Variants in GPC5 observed in about 807,000 individuals in gnomAD.
GPC5 encodes the protein glypican 5, also known as glypican-5.
GPC5 carries 47 observed loss-of-function variants against 53.9 expected under a neutral mutation model. The observed-to-expected ratio is 0.87, with a 90% CI of 0.69 to 1.11. The LOEUF (loss-of-function observed/expected upper bound fraction) is 1.11. Ranked by LOEUF, GPC5 falls within the 50% of genes most tolerant of loss-of-function variation. The pLI is 0.00. For missense variants in GPC5, 748 were observed against 713.1 expected (o/e 1.05, Z -0.56); for synonymous variants, 286 against 263.3 (o/e 1.09, Z -0.84).
intron 6 of GPC5, among the ~76,000 whole-genome samples, chr13:92,072,090 TATA>T (rs2041216450): frequency 6.8e-6 from 1 of 146,418 alleles, no homozygotes; most frequent in Non-Finnish European, 1.5e-5. Context: ...TATAATTATA[TATA>T]ATAAATTCAT....
chr13:92,759,788 G>C (rs1485640597), intron 7 of GPC5, among the ~76,000 whole-genome samples: 4 of 151,924 alleles, frequency 2.6e-5, no homozygotes, highest in Non-Finnish European at 4.4e-5. Context: ...CTCATGCATT[G>C]TACCAGATCT....
At chr13:92,438,570 A>G (rs1434608221) in intron 7 of GPC5, among the ~76,000 whole-genome samples, 1 of 151,970 alleles carries the variant, frequency 6.6e-6, no homozygotes, top group Non-Finnish European at 1.5e-5. Flanking sequence ...GATTAAGTGT[A>G]TGTTTTAAAA....
intron 5 of GPC5, among the ~76,000 whole-genome samples, chr13:91,762,938 A>T (rs2037445499): frequency 6.6e-6 from 1 of 151,538 alleles, no homozygotes; most frequent in Admixed American, 6.6e-5. Flanking sequence ...CCTATAATAC[A>T]TTTTTTTTGC....
At chr13:92,124,175 TAATAA>T (rs2041674372) in intron 6 of GPC5, among the ~76,000 whole-genome samples, 1 of 140,584 alleles carries the variant, frequency 7.1e-6, no homozygotes, top group Non-Finnish European at 1.5e-5. Flanking sequence ...CATATTCATG[TAATAA>T]AATCTTAGCA....
intron 6 of GPC5, among the ~76,000 whole-genome samples, chr13:91,960,921 T>C (rs1293887380): frequency 6.6e-6 from 1 of 151,748 alleles, no homozygotes; most frequent in African/African-American, 2.4e-5. Context: ...GATAAAGACC[T>C]GACACTATAA....
intron 2 of GPC5, among the ~76,000 whole-genome samples, chr13:91,669,764 A>C (rs1431319621): frequency 6.6e-6 from 1 of 152,122 alleles, no homozygotes; most frequent in Non-Finnish European, 1.5e-5. Context: ...CACAACTAAA[A>C]TTTCCCTTTA....
intron 5 of GPC5, among the ~76,000 whole-genome samples, chr13:91,833,140 C>A (rs2038682683): frequency 6.6e-6 from 1 of 152,126 alleles, no homozygotes; most frequent in African/African-American, 2.4e-5. Context: ...ACTAGAAAAT[C>A]TAGAAGAAAT....
At chr13:92,503,975 G>GT (rs1880278762) in intron 7 of GPC5, among the ~76,000 whole-genome samples, 1 of 151,792 alleles carries the variant, frequency 6.6e-6, no homozygotes, top group Non-Finnish European at 1.5e-5. Context: ...TTTGAAGATT[G>GT]TTTCTAATAA....
intron 7 of GPC5, among the ~76,000 whole-genome samples, chr13:92,347,752 T>C (rs1594119223): frequency 7.1e-6 from 1 of 140,378 alleles, no homozygotes; most frequent in East Asian, 2.1e-4. Context: ...TACAAAGTGA[T>C]GTAAATTCTG....
At chr13:92,238,755 G>A (rs140746696) in intron 7 of GPC5, among the ~76,000 whole-genome samples, 2 of 145,564 alleles carry the variant, frequency 1.4e-5, no homozygotes, top group African/African-American at 5.2e-5. Flanking sequence ...AAACACAAAA[G>A]TTTTTAATTT....
chr13:92,249,168 TACAA>T (rs2042674716), intron 7 of GPC5, among the ~76,000 whole-genome samples: 1 of 152,116 alleles, frequency 6.6e-6, no homozygotes, highest in African/African-American at 2.4e-5. Flanking sequence ...TTTTTTGTAT[TACAA>T]ACAGTCTAAG....
chr13:92,596,547 C>T (rs558236077), intron 7 of GPC5, among the ~76,000 whole-genome samples: 1 of 152,004 alleles, frequency 6.6e-6, no homozygotes, highest in South Asian at 2.1e-4. Context: ...AATGTTGGCT[C>T]ACTGCAACCT....
At chr13:92,466,765 G>GT (rs1878707499) in intron 7 of GPC5, among the ~76,000 whole-genome samples, 1 of 152,082 alleles carries the variant, frequency 6.6e-6, no homozygotes, top group African/African-American at 2.4e-5. Context: ...TAGGATGGTG[G>GT]TACCTGGAAA....
intron 5 of GPC5, among the ~76,000 whole-genome samples, chr13:91,774,210 G>A (rs2037671989): frequency 6.6e-6 from 1 of 152,182 alleles, no homozygotes; most frequent in African/African-American, 2.4e-5. Context: ...CTAAAAAAAT[G>A]TGAATATCAA....
chr13:92,489,247 T>C (rs1325859297), intron 7 of GPC5, among the ~76,000 whole-genome samples: 4 of 152,172 alleles, frequency 2.6e-5, no homozygotes, highest in African/African-American at 9.6e-5. Flanking sequence ...CCTATGTCCA[T>C]TCACTTATCT....
intron 2 of GPC5, among the ~76,000 whole-genome samples, chr13:91,542,816 TG>T (rs2030028448): frequency 6.6e-6 from 1 of 150,934 alleles, no homozygotes; most frequent in Non-Finnish European, 1.5e-5. Flanking sequence ...CCTGAGTAAC[TG>T]GGATTACAGG....
chr13:92,855,621 G>GAA (rs77365229), intron 7 of GPC5, among the ~76,000 whole-genome samples: 5 of 135,996 alleles, frequency 3.7e-5, no homozygotes, highest in African/African-American at 1.4e-4. Context: ...TTTTAGAATT[G>GAA]AAAAAAAAAA....
intron 6 of GPC5, among the ~76,000 whole-genome samples, chr13:92,139,390 G>C (rs1217525521): frequency 6.6e-6 from 1 of 152,058 alleles, no homozygotes; most frequent in Non-Finnish European, 1.5e-5. Context: ...TGTTATGGCT[G>C]GGCGCAGTGG....
At chr13:91,845,067 G>A (rs1031149548) in intron 5 of GPC5, among the ~76,000 whole-genome samples, 1 of 151,978 alleles carries the variant, frequency 6.6e-6, no homozygotes, top group Admixed American at 6.6e-5. Context: ...GTCATTTTAG[G>A]GTAGCTCTAA....
Sources: gnomAD v4.1 joint callset for allele counts (sites outside exome capture counted in the v4.1 genomes callset) on GRCh38, gnomAD v4.1.1 for gene constraint, MANE v1.5 for transcripts, NCBI Gene and HGNC (gene_info 2026-07-23, HGNC 2026-07-21) for gene names.